Variants in OMA1 observed in about 807,000 individuals in gnomAD.
OMA1 encodes metalloendopeptidase OMA1, mitochondrial.
Under a neutral mutation model 30.9 loss-of-function variants are expected in OMA1, and 38 were observed. The ratio of observed to expected loss-of-function variants is 1.23; its 90% CI spans 0.95 to 1.61. OMA1 has a LOEUF of 1.61. OMA1 is among the 40% of genes most tolerant of loss of function. The pLI is 0.00. For synonymous variants in OMA1, 173 were observed against 121.9 expected (o/e 1.42, Z -2.76); for missense variants, 461 against 349.2 (o/e 1.32, Z -2.55).
chr1:58,514,713 T>C (rs1355662322), intron 7 of OMA1, among the ~76,000 whole-genome samples: 2 of 152,116 alleles, frequency 1.3e-5, no homozygotes, highest in African/African-American at 4.8e-5. Context: ...AAAAATACAC[T>C]GAGGCTGTTA....
intron 7 of OMA1, among the ~76,000 whole-genome samples, chr1:58,522,172 G>C (rs1260388920): frequency 6.6e-6 from 1 of 152,104 alleles, no homozygotes; most frequent in African/African-American, 2.4e-5. Flanking sequence ...GGCAGAAAAT[G>C]CAGGGGGAAG....
At chr1:58,530,381 T>A (rs1646415986) in intron 6 of OMA1, among the ~76,000 whole-genome samples, 1 of 152,214 alleles carries the variant, frequency 6.6e-6, no homozygotes, top group African/African-American at 2.4e-5. Flanking sequence ...CAAGCCCTTC[T>A]AACTCTCCAT....
At chr1:58,528,619 T>C (rs1051717419) in intron 6 of OMA1, among the ~76,000 whole-genome samples, 1 of 152,192 alleles carries the variant, frequency 6.6e-6, no homozygotes, top group Non-Finnish European at 1.5e-5. Context: ...CATCCTACAG[T>C]GCACAGGACA....
chr1:58,534,295 T>C lies in OMA1; in HGVS notation c.766A>G (p.Lys256Glu). Residue 256 changes from lysine to glutamate, a missense_variant, in exon 4 of 9, where the codon AAA (lysine) becomes GAA (glutamate). Transcript: ENST00000371226. ...TTAACAGCCAGGTATCGGGCATCTTTCTCAGTTAGCATATCATTTTTAAAT... is the reference window on the plus strand; with the variant it reads ...TTAACAGCCAGGTATCGGGCATCTTCCTCAGTTAGCATATCATTTTTAAAT... ...EEFKNDMLTE[K>E]DARYLAVKEV... 1 of 866,230 alleles carries C rather than the reference T, an allele frequency of 1.2e-6. No homozygotes were observed. The allele number at this position is 866,230 out of a possible 1,614,324, so 53.7% of individuals were successfully genotyped here. A position where few individuals can be genotyped will look rare whatever the true frequency, so the allele number is the denominator to read the frequency against.
intron 7 of OMA1, among the ~76,000 whole-genome samples, chr1:58,520,291 G>T (rs1220850069): frequency 6.6e-6 from 1 of 152,114 alleles, no homozygotes; most frequent in Admixed American, 6.5e-5. Context: ...CAGAATGAAA[G>T]AAAACACTTG....
intron 7 of OMA1, among the ~76,000 whole-genome samples, chr1:58,523,431 G>A (rs754265363): frequency 6.6e-6 from 1 of 152,162 alleles, no homozygotes; most frequent in Non-Finnish European, 1.5e-5. Context: ...TTCAATAGCA[G>A]TAACAACCTT....
chr1:58,521,173 C>A (rs1218757075), intron 7 of OMA1, among the ~76,000 whole-genome samples: 1 of 151,980 alleles, frequency 6.6e-6, no homozygotes, highest in East Asian at 1.9e-4. Context: ...AAAAACTAAG[C>A]AATATACTTC....
At chr1:58,509,365 G>T (rs941006695) in intron 7 of OMA1, among the ~76,000 whole-genome samples, 1 of 151,438 alleles carries the variant, frequency 6.6e-6, no homozygotes, top group Admixed American at 6.6e-5. Context: ...CAGAAATTCT[G>T]AAGCACACTC....
At chr1:58,546,435 C>G (rs1646706790) in intron 1 of OMA1, among the ~76,000 whole-genome samples, 1 of 152,130 alleles carries the variant, frequency 6.6e-6, no homozygotes, top group African/African-American at 2.4e-5. Context: ...CGGCGTGCCC[C>G]GGGCAAGGCT....
At chr1:58,542,031 G>T (rs1442118757) in intron 1 of OMA1, among the ~76,000 whole-genome samples, 1 of 152,116 alleles carries the variant, frequency 6.6e-6, no homozygotes, top group East Asian at 1.9e-4. Flanking sequence ...AGTTTTAATA[G>T]TATTATCTAT....
At chr1:58,506,820 T>C (rs1645997230) in intron 7 of OMA1, among the ~76,000 whole-genome samples, 1 of 152,158 alleles carries the variant, frequency 6.6e-6, no homozygotes, top group South Asian at 2.1e-4. Context: ...CCCAATTTTC[T>C]CAATGTATAT....
In OMA1 at chr1:58,538,795, C is replaced by A; in HGVS notation, c.500G>T (p.Arg167Met). Reference sequence around the variant, plus strand: ...TTTTTATTCTAAAAAAGCATTTTACCTGCCTACAATGATTGCAAATAACTT... The same window carrying A: ...TTTTTATTCTAAAAAAGCATTTTACATGCCTACAATGATTGCAAATAACTT... ...VQKLFAIIVG[R>M]GIRKWWQALP... is the part of the protein sequence containing the mutation. Residue 167 changes from arginine to methionine, a missense_variant and splice_region_variant, in exon 2 of 9, where the codon AGG (arginine) becomes ATG (methionine). By Grantham distance (91) the Arg-to-Met change is moderately conservative. Coordinates refer to ENST00000371226, the MANE Select transcript of OMA1 (RefSeq NM_145243.5). 1.3e-6 allele frequency: 1 copy of A among 755,526 alleles called. No individual in the cohort carries two copies. Among genetic ancestry groups the A allele is most frequent in the South Asian group, 1.8e-5 (1 of 55,260 alleles). 46.8% of individuals were successfully genotyped at this position (755,526 alleles called of 1,614,324 possible).
In OMA1 at chr1:58,496,169, C is replaced by CTTTTTTTTTTTTTTTTTTTTTTTTTTT. The variant is rs375006213; in HGVS notation, c.1365+9890_1365+9891insAAAAAAAAAAAAAAAAAAAAAAAAAAA. 3.4e-5 allele frequency among the ~76,000 whole-genome samples: 5 copies of CTTTTTTTTTTTTTTTTTTTTTTTTTTT among 144,968 alleles called. 1 individual carries two copies. In the East Asian group the frequency reaches 1.1e-3, roughly 31 times the overall value. ...TTCAATATTCTTTCATTTTTTTAGA[C>CTTTTTTTTTTTTTTTTTTTTTTTTTTT]TTTTTTTTTTTGGCTTTGGGCATTT... On this transcript the variant is annotated intron_variant, in intron 8 of 8. Transcript: ENST00000371226.
chr1:58,503,140 A>G (rs1012576101), intron 8 of OMA1, among the ~76,000 whole-genome samples: 10 of 152,232 alleles, frequency 6.6e-5, no homozygotes, highest in Non-Finnish European at 8.8e-5. Flanking sequence ...AACAGAATTT[A>G]TTATCCAATT....
chr1:58,524,412 T>C (rs1557453016), intron 7 of OMA1, among the ~76,000 whole-genome samples: 1 of 152,216 alleles, frequency 6.6e-6, no homozygotes, highest in Non-Finnish European at 1.5e-5. Context: ...GCTTTAGATC[T>C]TTCATCTTCC....
At chr1:58,535,316 C>G (rs1646498844) in intron 3 of OMA1, among the ~76,000 whole-genome samples, 1 of 152,034 alleles carries the variant, frequency 6.6e-6, no homozygotes, top group Non-Finnish European at 1.5e-5. Context: ...TAAGAATCAA[C>G]AAGCGGCTGG....
chr1:58,495,063 T>C (rs1019981382), intron 8 of OMA1, among the ~76,000 whole-genome samples: 1 of 152,138 alleles, frequency 6.6e-6, no homozygotes, highest in Admixed American at 6.5e-5. Context: ...ATGTGGCACA[T>C]ATACAGCATG....
At chr1:58,522,623 C>T (rs1303650297) in intron 7 of OMA1, among the ~76,000 whole-genome samples, 1 of 151,614 alleles carries the variant, frequency 6.6e-6, no homozygotes. Flanking sequence ...GCACTGACCC[C>T]TCTGTGCAGT....
At chr1:58,539,346 A>C in intron 1 of OMA1, 36 bp from the exon 2 acceptor site, 1 of 758,500 alleles carries the variant, frequency 1.3e-6, no homozygotes, top group East Asian at 2.5e-5. Flanking sequence ...ATCTGTGGAA[A>C]ATATTTACTT....
Sources: gnomAD v4.1 joint callset for allele counts (sites outside exome capture counted in the v4.1 genomes callset) on GRCh38, gnomAD v4.1.1 for gene constraint, MANE v1.5 for transcripts, NCBI Gene and HGNC (gene_info 2026-07-23, HGNC 2026-07-21) for gene names.